AGTPBP1: variants seen among roughly 807,000 people sequenced by gnomAD.
AGTPBP1 encodes cytosolic carboxypeptidase 1.
In AGTPBP1, 70 loss-of-function variants were observed where a neutral mutation model predicts 143.9. The observed-to-expected ratio is 0.49, with a 90% CI of 0.40 to 0.59. The LOEUF (loss-of-function observed/expected upper bound fraction) is 0.59, where lower values mean the gene tolerates loss of function less well. AGTPBP1 is among the 20% of genes least tolerant of loss of function. The pLI, the probability that AGTPBP1 is intolerant of heterozygous loss-of-function variation, is 0.00. For missense variants in AGTPBP1, 1,229 were observed against 1,464.5 expected (o/e 0.84, Z 2.62); for synonymous variants, 463 against 500.2 (o/e 0.93, Z 0.99).
chr9:85,572,004 GTTTTTTTTTTTTTTTTTTTTTTTT>G (rs55882437), intron 25 of AGTPBP1, among the ~76,000 whole-genome samples: 4 of 43,434 alleles, frequency 9.2e-5, no homozygotes, highest in Admixed American at 3.3e-4. Context: ...GTTTGTGTGT[GTTTTTTTTTTTTTTTTTTTTTTTT>G]TTTTTTTTTT....
chr9:85,734,591 C>T (rs1839112924), intron 1 of AGTPBP1, among the ~76,000 whole-genome samples: 1 of 152,068 alleles, frequency 6.6e-6, no homozygotes, highest in African/African-American at 2.4e-5. Context: ...CTACCAAAAA[C>T]AAAACAAAAA....
chr9:85,624,342 T>C (rs73477711), intron 14 of AGTPBP1, among the ~76,000 whole-genome samples: 2,869 of 152,266 alleles, frequency 0.019, 92 homozygotes, highest in African/African-American at 0.065. Flanking sequence ...CATTTACCAG[T>C]AGTGTAACTC....
At chr9:85,650,824 C>T (rs1169020270) in intron 11 of AGTPBP1, among the ~76,000 whole-genome samples, 3 of 152,130 alleles carry the variant, frequency 2.0e-5, no homozygotes, top group Non-Finnish European at 2.9e-5. Context: ...ATAGTTTTGT[C>T]GACTTTTAGT....
intron 3 of AGTPBP1, among the ~76,000 whole-genome samples, chr9:85,690,282 G>T (rs974684809): frequency 6.6e-6 from 1 of 152,164 alleles, no homozygotes; most frequent in Non-Finnish European, 1.5e-5. Flanking sequence ...TAGCTAACTG[G>T]ATTATCCTAT....
chr9:85,790,056 A>T, the AGTPBP1 span, among the ~76,000 whole-genome samples: 6 of 152,188 alleles, frequency 3.9e-5, no homozygotes, highest in East Asian at 1.9e-4. Context: ...TGGACTTTTT[A>T]AAAAAATTCA....
chr9:85,590,316 A>C (rs1313053504), intron 19 of AGTPBP1, among the ~76,000 whole-genome samples: 4 of 152,140 alleles, frequency 2.6e-5, no homozygotes, highest in Non-Finnish European at 5.9e-5. Context: ...ACAGACTTTT[A>C]TAATTTGATT....
intron 2 of AGTPBP1, among the ~76,000 whole-genome samples, chr9:85,695,974 T>C (rs1836210956): frequency 6.6e-6 from 1 of 152,156 alleles, no homozygotes; most frequent in African/African-American, 2.4e-5. Context: ...CCCAAGTAGC[T>C]GGGATTACAG....
At chr9:85,740,365 G>T (rs1244504350) in intron 1 of AGTPBP1, among the ~76,000 whole-genome samples, 1 of 152,172 alleles carries the variant, frequency 6.6e-6, no homozygotes, top group Non-Finnish European at 1.5e-5. Flanking sequence ...AAGAGAAGTG[G>T]AATGGGAAAA....
intron 14 of AGTPBP1, 109 bp downstream of exon 14, chr9:85,632,553 T>A: frequency 5.1e-6 from 5 of 972,720 alleles, no homozygotes; most frequent in African/African-American, 4.9e-5. Flanking sequence ...ATACAGTAAC[T>A]TATAACTCAC....
chr9:85,753,202 C>G, the AGTPBP1 span: 3 of 1,451,804 alleles, frequency 2.1e-6, no homozygotes, highest in South Asian at 2.7e-5. Context: ...GGTGACAGAG[C>G]GAGATCTTGT....
chr9:85,737,187 T>C (rs559953392), intron 1 of AGTPBP1, among the ~76,000 whole-genome samples: 2 of 152,360 alleles, frequency 1.3e-5, no homozygotes, highest in South Asian at 4.1e-4. Flanking sequence ...TTAATTTTTA[T>C]GCACCTTTTT....
intron 17 of AGTPBP1, among the ~76,000 whole-genome samples, chr9:85,604,014 T>C (rs1829837973): frequency 6.6e-6 from 1 of 152,184 alleles, no homozygotes; most frequent in Non-Finnish European, 1.5e-5. Context: ...CTCTAGGCCC[T>C]GAATGCTGTA....
At chr9:85,753,409 A>C in the AGTPBP1 span, 1 of 1,613,780 alleles carries the variant, frequency 6.2e-7, no homozygotes, top group Non-Finnish European at 8.5e-7. Flanking sequence ...GGAAGTATAG[A>C]CCATCTCCAG....
At chr9:85,551,796 C>A (rs1826053319) in intron 25 of AGTPBP1, among the ~76,000 whole-genome samples, 1 of 151,778 alleles carries the variant, frequency 6.6e-6, no homozygotes, top group Non-Finnish European at 1.5e-5. Flanking sequence ...AAAACCTTCA[C>A]TGAAAAAAAA....
At chr9:85,738,484 C>T (rs1447160666) in intron 1 of AGTPBP1, among the ~76,000 whole-genome samples, 2 of 152,138 alleles carry the variant, frequency 1.3e-5, no homozygotes, top group Non-Finnish European at 2.9e-5. Flanking sequence ...AAACAACATA[C>T]AATATTCTGA....
chr9:85,783,800 A>T, the AGTPBP1 span, among the ~76,000 whole-genome samples: 3 of 152,008 alleles, frequency 2.0e-5, no homozygotes, highest in African/African-American at 7.2e-5. Context: ...GGCCCAGCTA[A>T]TTTTTTGTAT....
the AGTPBP1 span, among the ~76,000 whole-genome samples, chr9:85,749,598 G>A: frequency 6.6e-6 from 1 of 152,104 alleles, no homozygotes; most frequent in Non-Finnish European, 1.5e-5. Context: ...GAGGTCCATG[G>A]ATAGGCTTTG....
At position 85,588,492 on chromosome 9, in the gene AGTPBP1, A is replaced by G; in HGVS notation, c.2723-14T>C. The G allele has an allele frequency of 6.2e-7, 1 of 1,603,582 alleles. No homozygotes were observed. The highest frequency in any genetic ancestry group is 8.5e-7 in the Non-Finnish European group (1 of 1,177,182). On this transcript the variant is annotated splice_polypyrimidine_tract_variant and intron_variant, in intron 20 of 25. Transcript: ENST00000357081. ...AAGGGCGATTTCCTAAAGTACACAT[A>G]AAATCTCAAATTAAAATGAACAGCT...
At chr9:85,724,934 A>T (rs1838374878) in intron 1 of AGTPBP1, among the ~76,000 whole-genome samples, 1 of 152,240 alleles carries the variant, frequency 6.6e-6, no homozygotes, top group African/African-American at 2.4e-5. Flanking sequence ...CATTTTTAAA[A>T]ATCCAGTAAT....
Sources: allele counts gnomAD v4.1 joint callset (sites outside exome capture counted in the v4.1 genomes callset), GRCh38; gene constraint gnomAD v4.1.1; transcripts MANE v1.5; gene names NCBI Gene and HGNC (gene_info 2026-07-23, HGNC 2026-07-21).